Variants in VEGFA observed in about 807,000 individuals in gnomAD.
The protein encoded by VEGFA is vascular endothelial growth factor A, long form.
In VEGFA, 20 loss-of-function variants were observed where a neutral mutation model predicts 49.7. That is an observed-to-expected ratio of 0.40 (90% CI 0.28 to 0.58). The LOEUF (loss-of-function observed/expected upper bound fraction) is 0.58, where lower values mean the gene tolerates loss of function less well. VEGFA is among the 20% of genes least tolerant of loss of function. VEGFA has a pLI of 0.40. For synonymous variants in VEGFA, 219 were observed against 223.4 expected, an observed-to-expected ratio of 0.98 and a Z score of 0.18; for missense variants, 505 against 553.5, an observed-to-expected ratio of 0.91 and a Z score of 0.88.
At chr6:43,778,394 G>A in intron 3 of VEGFA, 66 bp from the exon 4 acceptor site, 1 of 1,423,198 alleles carries the variant, frequency 7.0e-7, no homozygotes, top group South Asian at 1.2e-5. Context: ...GGAGCCCCAG[G>A]GTTGTCCCAT....
chr6:43,781,928 A>T (rs766733156), intron 6 of VEGFA, 28 bp from the exon 7 acceptor site: 14 of 1,612,932 alleles, frequency 8.7e-6, no homozygotes, highest in Non-Finnish European at 1.2e-5. Context: ...GCTCTAGCTT[A>T]GATGTCTTTC....
intron 7 of VEGFA, 74 bp downstream of exon 7, chr6:43,782,161 TGAGC>T (rs1330383204): frequency 1.1e-5 from 18 of 1,587,544 alleles, no homozygotes; most frequent in Admixed American, 3.4e-5. Context: ...AGAAAGAGAG[TGAGC>T]GAGCGAGCGA....
chr6:43,775,493 TG>T (rs1335255071), intron 2 of VEGFA: 1 of 152,184 alleles, frequency 6.6e-6, no homozygotes, highest in Non-Finnish European at 1.5e-5. Flanking sequence ...CCACCTCCCA[TG>T]GGACTTGGGG....
Position 43,771,279 on chromosome 6 carries a change from C to G in VEGFA, c.573C>G (p.Ser191Arg). The change falls in exon 1 of 8, where the codon AGC (serine) becomes AGG (arginine). Residue 191 changes from serine (S) to arginine (R), a missense_variant. Physicochemically the swap from Ser to Arg is moderately radical, Grantham distance 110. Coordinates refer to ENST00000672860, the MANE Select transcript of VEGFA (RefSeq NM_003376.6). ...TTCTGCTGTCTTGGGTGCATTGGAG[C>G]CTTGCCTTGCTGCTCTACCTCCACC... 1 of 1,607,154 alleles carries G rather than the reference C, an allele frequency of 6.2e-7. No homozygotes were observed. The highest frequency in any genetic ancestry group is 8.5e-7 in the Non-Finnish European group (1 of 1,177,534).
Position 43,771,315 on chromosome 6 carries a change from A to T in VEGFA, c.606+3A>T. The T allele has an allele frequency of 6.2e-7, 1 of 1,601,554 alleles. No individual in the cohort carries two copies. Among genetic ancestry groups the T allele is most frequent in the Non-Finnish European group, 8.5e-7 (1 of 1,175,506 alleles). On this transcript the variant is annotated splice_donor_region_variant and intron_variant, in intron 1 of 7. Coordinates refer to ENST00000672860, the MANE Select transcript of VEGFA (RefSeq NM_003376.6). ...TGCTCTACCTCCACCATGCCAAGGT[A>T]AGCGGTCGTGCCCTGCTGGCGCCGC...
intron 6 of VEGFA, chr6:43,781,733 C>T (rs1303411064): frequency 7.4e-6 from 4 of 543,652 alleles, no homozygotes; most frequent in African/African-American, 1.9e-5. Flanking sequence ...CTCTGCCCGT[C>T]TGTGCCCGCC....
chr6:43,773,857 A>T lies in VEGFA; in HGVS notation c.607-484A>T, dbSNP rs1260153875. On this transcript the variant is annotated intron_variant, in intron 1 of 7. Transcript: ENST00000672860. This position sits in a 1 kb window ranked among gnomAD's most constrained non-coding sequence, Gnocchi z 5.6. ...CTCGGCACCCCCCTCCGTCTCCAAC[A>T]CCAGCTCACCCTGGTATTTGTCATG... is the stretch of plus-strand genomic sequence containing the variant. 4 of 190,554 alleles carry T rather than the reference A, an allele frequency of 2.1e-5. No individual in the cohort carries two copies. The East Asian group carries it at 4.5e-4, about 22-fold the overall frequency. 11.8% of individuals were successfully genotyped at this position (190,554 alleles called of 1,614,324 possible).
In VEGFA at chr6:43,770,967, G is replaced by A. The variant is rs2127996251; in HGVS notation, c.261G>A (p.Arg87=). 1 of 1,544,184 alleles carries A rather than the reference G, an allele frequency of 6.5e-7. No homozygotes were observed. Among genetic ancestry groups the A allele is most frequent in the Non-Finnish European group, 8.7e-7 (1 of 1,145,236 alleles). The change falls in exon 1 of 8, where the codon CGG becomes CGA. Residue 87 remains arginine, a synonymous_variant. Transcript: ENST00000672860. ...CCGCGAGAAGTGCTAGCTCGGGCCG[G>A]GAGGAGCCGCAGCCGGAGGAGGGGG...
At chr6:43,779,690 C>G (rs760944860) in intron 5 of VEGFA, 2 of 469,794 alleles carry the variant, frequency 4.3e-6, no homozygotes, top group South Asian at 3.1e-5. Flanking sequence ...CCTCTTCCCT[C>G]AGCTCCCAGC....
chr6:43,777,731 G>A lies in VEGFA; in HGVS notation c.855+66G>A. On this transcript the variant is annotated intron_variant, in intron 3 of 7. Coordinates refer to ENST00000672860, the MANE Select transcript of VEGFA (RefSeq NM_003376.6). This position sits in a 1 kb window ranked among gnomAD's most constrained non-coding sequence, Gnocchi z 4.3. Reference sequence around the variant, plus strand: ...GGGGGGTAACACTTTGGGAACAGGTGGTCCCAGGTCGTTTCCTGGCTAGAT... The same window carrying A: ...GGGGGGTAACACTTTGGGAACAGGTAGTCCCAGGTCGTTTCCTGGCTAGAT... The A allele has an allele frequency of 1.3e-6, 2 of 1,486,750 alleles. No homozygotes were observed. Among genetic ancestry groups the A allele is most frequent in the Non-Finnish European group, 9.1e-7 (1 of 1,100,762 alleles). 92.1% of individuals were successfully genotyped at this position (1,486,750 alleles called of 1,614,324 possible). A position where few individuals can be genotyped will look rare whatever the true frequency, so the allele number is the denominator to read the frequency against.
Position 43,770,934 on chromosome 6 carries a change from G to T in VEGFA, c.228G>T (p.Pro76=). The change falls in exon 1 of 8, where the codon CCG becomes CCT. Residue 76 remains proline, a synonymous_variant. Coordinates refer to ENST00000672860, the MANE Select transcript of VEGFA (RefSeq NM_003376.6). Reference sequence around the variant, plus strand: ...TGGTCCGCGCGGGGGAAGCCGAGCCGAGCGGAGCCGCGAGAAGTGCTAGCT... The same window carrying T: ...TGGTCCGCGCGGGGGAAGCCGAGCCTAGCGGAGCCGCGAGAAGTGCTAGCT... 2 of 1,544,642 alleles carry T rather than the reference G, an allele frequency of 1.3e-6. No individual in the cohort carries two copies. Among genetic ancestry groups the T allele is most frequent in the Admixed American group, 2.0e-5 (1 of 50,654 alleles).
In VEGFA at chr6:43,770,894, G is replaced by T. The variant is rs1202242670; in HGVS notation, c.188G>T (p.Arg63Leu). Residue 63 changes from arginine to leucine, a missense_variant, in exon 1 of 8, where the codon CGC becomes CTC. Arg to Leu is a moderately radical substitution (Grantham distance 102). This residue lies in a region of VEGFA where 340 missense variants were observed against 321.8 expected (regional missense o/e 1.06). Coordinates refer to ENST00000672860, the MANE Select transcript of VEGFA (RefSeq NM_003376.6). ...TTCGTCCAACTTCTGGGCTGTTCTC[G>T]CTTCGGAGGAGCCGTGGTCCGCGCG... 6 of 1,544,720 alleles carry T rather than the reference G, an allele frequency of 3.9e-6. No homozygotes were observed. In the South Asian group the frequency reaches 6.0e-5, roughly 15 times the overall value.
chr6:43,772,705 C>T (rs956556633), intron 1 of VEGFA, among the ~76,000 whole-genome samples: 2 of 152,182 alleles, frequency 1.3e-5, no homozygotes, highest in Non-Finnish European at 2.9e-5. Flanking sequence ...CCTTTCCGCT[C>T]CTCTCTGACG....
In VEGFA at chr6:43,771,213, G is replaced by T. The variant is rs1763416042; in HGVS notation, c.507G>T (p.Ala169=). The T allele has an allele frequency of 1.2e-6, 2 of 1,603,270 alleles. No homozygotes were observed. The highest frequency in any genetic ancestry group is 1.4e-5 in the African/African-American group (1 of 73,388). Residue 169 remains alanine, a synonymous_variant, in exon 1 of 8, where the codon GCG becomes GCT. Coordinates refer to ENST00000672860, the MANE Select transcript of VEGFA (RefSeq NM_003376.6). ...ACAGCCCGAGCCGGAGAGGGAGCGCGAGCCGCGCCGGCCCCGGTCGGGCCT... is the reference window on the plus strand; with the variant it reads ...ACAGCCCGAGCCGGAGAGGGAGCGCTAGCCGCGCCGGCCCCGGTCGGGCCT...
chr6:43,774,040 G>C, intron 1 of VEGFA: 1 of 501,920 alleles, frequency 2.0e-6, no homozygotes, highest in Non-Finnish European at 3.6e-6. Flanking sequence ...GTGTGGGGAA[G>C]GTACAGGGGA....
Position 43,778,432 on chromosome 6 carries a change from C to T in VEGFA, c.856-28C>T, listed in dbSNP as rs3025000. ...GGGTATGGCTGGCTGGGTCACTAAC[C>T]TCTGTGATCTGCTTCCTTCCTTTCC... On this transcript the variant is annotated intron_variant, in intron 3 of 7. Coordinates refer to ENST00000672860, the MANE Select transcript of VEGFA (RefSeq NM_003376.6). 468,297 of 1,609,198 alleles carry T rather than the reference C, an allele frequency of 0.29. 71,541 individuals carry two copies. Among genetic ancestry groups the T allele is most frequent in the East Asian group, 0.41 (18,490 of 44,774 alleles).
intron 2 of VEGFA, chr6:43,774,999 T>A (rs1764896101): frequency 6.0e-6 from 1 of 167,052 alleles, no homozygotes; most frequent in South Asian, 1.4e-4. Context: ...TGCCTTTTGT[T>A]CCGTTGTGGT....
At chr6:43,780,880 G>C in intron 6 of VEGFA, 77 bp downstream of exon 6, 2 of 1,610,898 alleles carry the variant, frequency 1.2e-6, no homozygotes, top group South Asian at 2.2e-5. Context: ...GCCATTCCCT[G>C]TAACCCTGCC....
rs977169570 is a variant in VEGFA, at chr6:43,777,063, A to C, written c.659-406A>C. On this transcript the variant is annotated intron_variant, in intron 2 of 7. Transcript: ENST00000672860. The surrounding 1 kb of genome is among the most constrained non-coding windows in gnomAD (Gnocchi z 4.3). ...GTAGTGGTTGTGGGGAGGACGTAGGAAACTGGAGACTAGCTTGGCAAAGCT... is the reference window on the plus strand; with the variant it reads ...GTAGTGGTTGTGGGGAGGACGTAGGCAACTGGAGACTAGCTTGGCAAAGCT... The C allele has an allele frequency of 5.7e-6, 2 of 352,244 alleles. No homozygotes were observed. Among genetic ancestry groups the C allele is most frequent in the African/African-American group, 4.3e-5 (2 of 46,922 alleles). 21.8% of individuals were successfully genotyped at this position (352,244 alleles called of 1,614,324 possible). A position where few individuals can be genotyped will look rare whatever the true frequency, so the allele number is the denominator to read the frequency against.
Sources: allele counts gnomAD v4.1 joint callset (sites outside exome capture counted in the v4.1 genomes callset), GRCh38; gene constraint gnomAD v4.1.1; regional missense constraint gnomAD v4.1.1; non-coding constraint Gnocchi (gnomAD v3.1); transcripts MANE v1.5; gene names NCBI Gene and HGNC (gene_info 2026-07-23, HGNC 2026-07-21).